The following GREP1 variants were observed in gnomAD, a reference collection of about 807,000 sequenced individuals.
GREP1 encodes the protein glycine rich extracellular protein 1.
chr16:2,998,759 G>C lies in GREP1; in HGVS notation c.1013-89G>C, dbSNP rs572286240. The C allele has an allele frequency of 1.2e-3, 460 of 398,886 alleles. 3 individuals are homozygous for C. Among genetic ancestry groups the C allele is most frequent in the African/African-American group, 8.1e-3 (395 of 48,756 alleles). The allele number at this position is 398,886 out of a possible 1,614,324, so 24.7% of individuals were successfully genotyped here. On this transcript the variant is annotated intron_variant, in intron 25 of 34. Transcript: ENST00000573315. Reference sequence around the variant, plus strand: ...CTGCCCTAGAAGCCACTACAGGCCGGTGGCTTGGCCAGGCCAAGGCCTCCT... The same window carrying C: ...CTGCCCTAGAAGCCACTACAGGCCGCTGGCTTGGCCAGGCCAAGGCCTCCT...
At chr16:2,990,663 G>A in intron 7 of GREP1, 76 bp downstream of exon 6, 1 of 398,686 alleles carries the variant, frequency 2.5e-6, no homozygotes, top group Non-Finnish European at 4.4e-6. Flanking sequence ...TGTGGGGGAG[G>A]GAATGCAGCC....
rs1356973937 is a variant in GREP1 at position 3,001,335 on chromosome 16, G to A, written c.1585+1G>A. 4 of 399,056 alleles carry A rather than the reference G, an allele frequency of 1.0e-5. No homozygotes were observed. Among genetic ancestry groups the A allele is most frequent in the African/African-American group, 2.1e-5 (1 of 48,640 alleles). The allele number at this position is 399,056 out of a possible 1,614,324, so 24.7% of individuals were successfully genotyped here. ...GGCCAGCTGGGGAATGGCTACGGAG[G>A]TGAGAGGGAGGCGCAATGGCCGAGC... On this transcript the variant is annotated splice_donor_variant, in intron 34 of 34. Transcript: ENST00000573315. LOFTEE classifies it high-confidence loss of function.
chr16:3,000,859 C>A (rs1596463686), intron 33 of GREP1, 32 bp downstream of exon 27: 1 of 398,856 alleles, frequency 2.5e-6, no homozygotes, highest in Non-Finnish European at 4.4e-6. Flanking sequence ...TGTGTTGGGG[C>A]CATTAGAGGT....
chr16:2,998,053 TG>T (rs2072435906), intron 23 of GREP1, among the ~76,000 whole-genome samples: 1 of 4,990 alleles, frequency 2.0e-4, no homozygotes, highest in South Asian at 5.0e-3. Context: ...TGGGTCTCAG[TG>T]GGGGAAGGGG....
chr16:2,996,686 G>GA lies in GREP1; in HGVS notation c.727dup (p.Met243AsnfsTer90). On this transcript the variant is annotated frameshift_variant, in exon 20 of 35. Transcript: ENST00000573315. LOFTEE classifies it high-confidence loss of function. ...TGTCTCTCCCAGGCCTAGGAGCGGGGATGAAGCCTCAGATGCCAGGTGAGG... is the reference window on the plus strand; with the variant it reads ...TGTCTCTCCCAGGCCTAGGAGCGGGGAATGAAGCCTCAGATGCCAGGTGAGG... The GA allele has an allele frequency of 2.5e-6, 1 of 398,974 alleles. No homozygotes were observed. The highest frequency in any genetic ancestry group is 4.4e-6 in the Non-Finnish European group (1 of 226,224). 24.7% of individuals were successfully genotyped at this position (398,974 alleles called of 1,614,324 possible). A position where few individuals can be genotyped will look rare whatever the true frequency, so the allele number is the denominator to read the frequency against.
chr16:2,996,360 G>A (rs2072424784), intron 18 of GREP1, 136 bp from the exon 18 acceptor site: 1 of 397,284 alleles, frequency 2.5e-6, no homozygotes, highest in African/African-American at 2.1e-5. Flanking sequence ...CTGCCTCTGT[G>A]TCTCTCTGTA....
chr16:2,998,530 C>T lies in GREP1; in HGVS notation c.1012+7C>T, dbSNP rs2072439991. Reference sequence around the variant, plus strand: ...GAAAATGGGCCCTGGCCAGGTGAGGCCACTGGGACCAGGGGTGGGGGCCCA... The same window carrying T: ...GAAAATGGGCCCTGGCCAGGTGAGGTCACTGGGACCAGGGGTGGGGGCCCA... On this transcript the variant is annotated splice_region_variant and intron_variant, in intron 25 of 34. Transcript: ENST00000573315. 3 of 399,160 alleles carry T rather than the reference C, an allele frequency of 7.5e-6. No individual in the cohort carries two copies. The highest frequency in any genetic ancestry group is 1.3e-5 in the Non-Finnish European group (3 of 226,120). 24.7% of individuals were successfully genotyped at this position (399,160 alleles called of 1,614,324 possible).
In GREP1 at chr16:3,000,818, AG is replaced by A. The variant is rs2072457513; in HGVS notation, c.1523del (p.Ser508ThrfsTer8). Reference sequence around the variant, plus strand: ...TGGAGATGAATATGCTGAGGCCAGGAGCCAGCCAGGTAACGGGATGCCTGGA... The same window carrying A: ...TGGAGATGAATATGCTGAGGCCAGGACCAGCCAGGTAACGGGATGCCTGGA... On this transcript the variant is annotated frameshift_variant, in exon 33 of 35. Transcript: ENST00000573315. LOFTEE classifies it high-confidence loss of function. 7.5e-6 allele frequency: 3 copies of A among 399,124 alleles called. No individual in the cohort carries two copies. Among genetic ancestry groups the A allele is most frequent in the African/African-American group, 6.2e-5 (3 of 48,746 alleles). 24.7% of individuals were successfully genotyped at this position (399,124 alleles called of 1,614,324 possible).
Position 2,991,998 on chromosome 16 carries a change from G to T in GREP1, c.323-807G>T, listed in dbSNP as rs897532568. On this transcript the variant is annotated intron_variant, in intron 8 of 34. Transcript: ENST00000573315. The surrounding 1 kb of genome is among the most constrained non-coding windows in gnomAD (Gnocchi z 4.9). ...CTCTCTATTCCTGGCATGGGGCGGGGGGTGAAACCTCTGAAGACAGGTGTG... is the reference window on the plus strand; with the variant it reads ...CTCTCTATTCCTGGCATGGGGCGGGTGGTGAAACCTCTGAAGACAGGTGTG... The T allele has an allele frequency of 3.3e-5, 5 of 152,658 alleles. No homozygotes were observed. The highest frequency in any genetic ancestry group is 1.2e-4 in the African/African-American group (5 of 41,430). The allele number at this position is 152,658 out of a possible 1,614,324, so 9.5% of individuals were successfully genotyped here.
chr16:2,993,288 G>C (rs921816153), intron 10 of GREP1: 4 of 210,962 alleles, frequency 1.9e-5, no homozygotes, highest in Non-Finnish European at 1.9e-5. Flanking sequence ...AAGGCTCAGA[G>C]AGCAGGCGAG....
intron 25 of GREP1, 148 bp from the exon 24 acceptor site, chr16:2,998,700 C>T: frequency 2.5e-6 from 1 of 398,126 alleles, no homozygotes; most frequent in Non-Finnish European, 4.4e-6. Context: ...TGGGCTTTTT[C>T]CAGCCTGGCT....
chr16:2,997,085 G>C (rs2072428859), exon 21 of GREP1: 2 of 399,046 alleles, frequency 5.0e-6, no homozygotes, highest in Admixed American at 4.4e-5. Flanking sequence ...CCAGAAGCCA[G>C]GTGAGCCCTG....
At chr16:2,995,349 C>T (rs1369420800) in intron 14 of GREP1, 33 bp downstream of exon 15, 3 of 398,900 alleles carry the variant, frequency 7.5e-6, no homozygotes, top group East Asian at 3.6e-5. Context: ...TCTGTCTCCC[C>T]AGTGTTCAGA....
chr16:2,995,232 G>C, intron 13 of GREP1, 52 bp from the exon 15 acceptor site: 1 of 398,876 alleles, frequency 2.5e-6, no homozygotes, highest in Non-Finnish European at 4.4e-6. Context: ...TTCTGGGGTG[G>C]ATCTGAGTTG....
chr16:2,991,064 G>A lies in GREP1; in HGVS notation c.285G>A (p.Leu95=). Residue 95 remains leucine (L), a synonymous_variant, in exon 8 of 35, where the codon CTG becomes CTA. Coordinates refer to ENST00000573315, the Ensembl canonical transcript of GREP1. The surrounding 1 kb of genome is among the most constrained non-coding windows in gnomAD (Gnocchi z 4.9). The stretch of plus-strand genomic sequence containing the variant: ...TCTCCCCAGGATATGGAAACGGGCT[G>A]GGAGCAGCGGCCTTCCCAGTGGCCG... The A allele has an allele frequency of 2.5e-6, 1 of 399,178 alleles. No individual in the cohort carries two copies. Among genetic ancestry groups the A allele is most frequent in the East Asian group, 3.6e-5 (1 of 28,060 alleles). 24.7% of individuals were successfully genotyped at this position (399,178 alleles called of 1,614,324 possible). A position where few individuals can be genotyped will look rare whatever the true frequency, so the allele number is the denominator to read the frequency against.
At chr16:2,997,563 G>A in intron 22 of GREP1, 2 of 397,974 alleles carry the variant, frequency 5.0e-6, no homozygotes, top group Middle Eastern at 1.3e-3. Flanking sequence ...CGGCACAAGG[G>A]GGAGGGAGGT....
At chr16:3,001,162 C>A (rs1440727847) in intron 33 of GREP1, 119 bp from the exon 28 acceptor site, 3 of 398,694 alleles carry the variant, frequency 7.5e-6, no homozygotes, top group Admixed American at 8.8e-5. Flanking sequence ...GAAACTGAGG[C>A]AGAGCTGAGC....
chr16:2,988,982 G>C, intron 2 of GREP1: 1 of 295,336 alleles, frequency 3.4e-6, no homozygotes, highest in Non-Finnish European at 6.2e-6. Flanking sequence ...GAGGTGGAGT[G>C]TCATGGAAGA....
intron 33 of GREP1, 44 bp downstream of exon 27, chr16:3,000,871 G>C (rs573254994): frequency 2.5e-6 from 1 of 398,792 alleles, no homozygotes; most frequent in Admixed American, 4.4e-5. Context: ...ATTAGAGGTG[G>C]CTTCAGGGAA....
Sources: gnomAD v4.1 joint callset for allele counts (sites outside exome capture counted in the v4.1 genomes callset) on GRCh38, gnomAD v4.1.1 for gene constraint, Gnocchi (gnomAD v3.1) non-coding constraint, MANE v1.5 for transcripts, NCBI Gene and HGNC (gene_info 2026-07-23, HGNC 2026-07-21) for gene names.